The following PLEKHG3 variants were observed in gnomAD, a reference collection of about 807,000 sequenced individuals.
The protein encoded by PLEKHG3 is pleckstrin homology and RhoGEF domain containing G3.
In PLEKHG3, 62 loss-of-function variants were observed where a neutral mutation model predicts 94.9. The ratio of observed to expected loss-of-function variants is 0.65; its 90% confidence interval spans 0.53 to 0.81. The LOEUF is 0.81. Among genes scored for constraint, PLEKHG3 ranks in the 30% least tolerant of loss-of-function variants. The probability of loss-of-function intolerance (pLI) is 0.00; values close to 1 mark genes in which losing one functional copy is unlikely to be tolerated. For missense variants in PLEKHG3, 1,461 were observed against 1,619.3 expected, an observed-to-expected ratio of 0.90 and a Z score of 1.68; for synonymous variants, 614 against 654.0, an observed-to-expected ratio of 0.94 and a Z score of 0.93.
In PLEKHG3 at chr14:64,728,014, C is replaced by T. The variant is rs545219624; in HGVS notation, c.351+32C>T. On this transcript the variant is annotated intron_variant, in intron 2 of 16. Transcript: ENST00000247226. The surrounding 1 kb of genome is among the most constrained non-coding windows in gnomAD (Gnocchi z 5.9). ...GTCGGAGGCCTTGCGGCACAGTATT[C>T]TAGCAGAAGCCTGTTTCACCCTGGG... The T allele has an allele frequency of 7.5e-7, 1 of 1,333,116 alleles. No individual in the cohort carries two copies. The highest frequency in any genetic ancestry group is 1.4e-5 in the South Asian group (1 of 71,588). 82.6% of individuals were successfully genotyped at this position (1,333,116 alleles called of 1,614,324 possible).
chr14:64,707,290 C>G (rs1209830288), intron 1 of PLEKHG3, among the ~76,000 whole-genome samples: 1 of 152,244 alleles, frequency 6.6e-6, no homozygotes, highest in Non-Finnish European at 1.5e-5. Context: ...CCCCACAACT[C>G]ACCTCTGGCC....
At chr14:64,707,764 CAG>C (rs1566688443) in intron 1 of PLEKHG3, among the ~76,000 whole-genome samples, 1 of 152,226 alleles carries the variant, frequency 6.6e-6, no homozygotes, top group African/African-American at 2.4e-5. Context: ...CATCGAGGAA[CAG>C]AGTTTGGAGT....
chr14:64,711,430 T>C (rs1023364451), intron 1 of PLEKHG3, among the ~76,000 whole-genome samples: 2 of 151,320 alleles, frequency 1.3e-5, no homozygotes, highest in Non-Finnish European at 2.9e-5. Flanking sequence ...TTTTTTTTTT[T>C]TGAGACGGAG....
rs1426427741 is a variant in PLEKHG3, at chr14:64,727,812, A to C, written c.181A>C (p.Ser61Arg). ...GSLRSRHLPN[S>R]NNNSSSWLNV... ...CCTGAGAAGCCGGCATCTGCCCAAC[A>C]GCAACAACAACTCCAGCAGCTGGTT... Residue 61 changes from serine (S) to arginine (R), a missense_variant, in exon 2 of 17, where the codon AGC becomes CGC. Coordinates refer to ENST00000247226, the MANE Select transcript of PLEKHG3 (RefSeq NM_001308147.2). The surrounding 1 kb of genome is among the most constrained non-coding windows in gnomAD (Gnocchi z 6.0). The C allele has an allele frequency of 1.2e-6, 2 of 1,612,292 alleles. No individual in the cohort carries two copies. Among genetic ancestry groups the C allele is most frequent in the South Asian group, 2.2e-5 (2 of 91,036 alleles).
At position 64,746,441 on chromosome 14, in the gene PLEKHG3, GCCT is replaced by G. The variant is rs1199530495; in HGVS notation, c.*2743_*2745del. ...AGGGTTGCATTCCTCTGCAGCCGCC[GCCT>G]CCTCATTTCCTCCCTGAGCTTGTTT... On this transcript the variant is annotated 3_prime_UTR_variant, in exon 17 of 17. Transcript: ENST00000247226. This position sits in a 1 kb window ranked among gnomAD's most constrained non-coding sequence, Gnocchi z 4.9. The G allele has an allele frequency of 1.3e-5, 2 of 152,750 alleles. No individual in the cohort carries two copies. The highest frequency in any genetic ancestry group is 4.8e-5 in the African/African-American group (2 of 41,460). The allele number at this position is 152,750 out of a possible 1,614,324, so 9.5% of individuals were successfully genotyped here. A position where few individuals can be genotyped will look rare whatever the true frequency, so the allele number is the denominator to read the frequency against.
chr14:64,743,476 A>G lies in PLEKHG3; in HGVS notation c.3433A>G (p.Ile1145Val), dbSNP rs1357431762. The change falls in exon 17 of 17, where the codon ATT becomes GTT. Residue 1145 changes from isoleucine (I) to valine (V), a missense_variant. By Grantham distance (29) the Ile-to-Val change is conservative. Around this residue, in one of 3 missense-constraint regions of PLEKHG3, gnomAD observed 1,201 missense variants for 1,295.5 expected, o/e 0.93. Coordinates refer to ENST00000247226, the MANE Select transcript of PLEKHG3 (RefSeq NM_001308147.2). This position sits in a 1 kb window ranked among gnomAD's most constrained non-coding sequence, Gnocchi z 7.2. ...CACCCTGGAGGACAACCGGCGGGTG[A>G]TTGTCATGGAGAAGGGACCCCTTCC... ...DLTLEDNRRV[I>V]VMEKGPLPSP... 6.2e-7 allele frequency: 1 copy of G among 1,612,978 alleles called. No individual in the cohort carries two copies. Among genetic ancestry groups the G allele is most frequent in the African/African-American group, 1.3e-5 (1 of 74,906 alleles).
chr14:64,717,348 A>G lies in PLEKHG3; in HGVS notation c.-39-10245A>G, dbSNP rs2081186684. Among the ~76,000 whole-genome samples the G allele has an allele frequency of 6.6e-6, 1 of 152,168 alleles. No homozygotes were observed. The highest frequency in any genetic ancestry group is 2.4e-5 in the African/African-American group (1 of 41,424). ...CATAACTTTCTGGGTTTGGATGCTC[A>G]TGCTTGGAATTGGGAAGGGAGTTGT... On this transcript the variant is annotated intron_variant, in intron 1 of 16. Coordinates refer to ENST00000247226, the MANE Select transcript of PLEKHG3 (RefSeq NM_001308147.2). This position sits in a 1 kb window ranked among gnomAD's most constrained non-coding sequence, Gnocchi z 4.7.
rs2081640460 is a variant in PLEKHG3 at position 64,739,424 on chromosome 14, C to T, written c.1518+569C>T. Among the ~76,000 whole-genome samples, 1 of 152,204 alleles carries T rather than the reference C, an allele frequency of 6.6e-6. No homozygotes were observed. Among genetic ancestry groups the T allele is most frequent in the Non-Finnish European group, 1.5e-5 (1 of 68,036 alleles). ...GGACTCAGAGGCCCACTCTCCTCCT[C>T]CTGCTGCCCTATGCTGTCTGTGGGT... On this transcript the variant is annotated intron_variant, in intron 15 of 16. Coordinates refer to ENST00000247226, the MANE Select transcript of PLEKHG3 (RefSeq NM_001308147.2). This position sits in a 1 kb window ranked among gnomAD's most constrained non-coding sequence, Gnocchi z 4.1.
In PLEKHG3 at chr14:64,731,419, T is replaced by A; in HGVS notation, c.908T>A (p.Leu303His). Residue 303 changes from leucine (L) to histidine (H), a missense_variant, in exon 8 of 17, where the codon CTT (leucine) becomes CAT (histidine). Leu to His is a moderately conservative substitution (Grantham distance 99). This residue lies in a region of PLEKHG3 where 1,201 missense variants were observed against 1,295.5 expected (regional missense o/e 0.93). Coordinates refer to ENST00000247226, the MANE Select transcript of PLEKHG3 (RefSeq NM_001308147.2). The surrounding 1 kb of genome is among the most constrained non-coding windows in gnomAD (Gnocchi z 6.1). ...KGPDLTTYGE[L>H]VLEGTFRVHR... The stretch of plus-strand genomic sequence containing the variant: ...CCCGACCTGACCACCTACGGGGAGC[T>A]TGTCCTGGAGGGCACATTCCGCGTG... 6.2e-7 allele frequency: 1 copy of A among 1,614,058 alleles called. No homozygotes were observed. The highest frequency in any genetic ancestry group is 8.5e-7 in the Non-Finnish European group (1 of 1,179,934).
rs900155382 is a variant in PLEKHG3, at chr14:64,720,678, A to G, written c.-39-6915A>G. ...GTTCAGAGGAGTATATTACTTCCCT[A>G]TTGCCACTGTAACAAATTCTGCAAT... On this transcript the variant is annotated intron_variant, in intron 1 of 16. Coordinates refer to ENST00000247226, the MANE Select transcript of PLEKHG3 (RefSeq NM_001308147.2). The surrounding 1 kb of genome is among the most constrained non-coding windows in gnomAD (Gnocchi z 4.1). Among the ~76,000 whole-genome samples, 1 of 152,228 alleles carries G rather than the reference A, an allele frequency of 6.6e-6. No individual in the cohort carries two copies. Among genetic ancestry groups the G allele is most frequent in the African/African-American group, 2.4e-5 (1 of 41,458 alleles).
rs2081200529 is a variant in PLEKHG3, at chr14:64,718,143, T to G, written c.-39-9450T>G. On this transcript the variant is annotated intron_variant, in intron 1 of 16. Coordinates refer to ENST00000247226, the MANE Select transcript of PLEKHG3 (RefSeq NM_001308147.2). This position sits in a 1 kb window ranked among gnomAD's most constrained non-coding sequence, Gnocchi z 5.0. ...AAGATGTCACCTTCTCCTAGAAAGCTTCCTGGTCCCCTAAGTAGCACTAGC... is the reference window on the plus strand; with the variant it reads ...AAGATGTCACCTTCTCCTAGAAAGCGTCCTGGTCCCCTAAGTAGCACTAGC... Among the ~76,000 whole-genome samples, 1 of 152,240 alleles carries G rather than the reference T, an allele frequency of 6.6e-6. No individual in the cohort carries two copies. The highest frequency in any genetic ancestry group is 1.5e-5 in the Non-Finnish European group (1 of 68,032).
rs749776751 is a variant in PLEKHG3 at position 64,741,730 on chromosome 14, G to A, written c.2213G>A (p.Arg738His). Residue 738 changes from arginine to histidine, a missense_variant, in exon 16 of 17, where the codon CGC (arginine) becomes CAC (histidine). Arg to His is a conservative substitution (Grantham distance 29). Transcript: ENST00000247226. ...EHHDAGFSVR[R>H]RESLSYIPKG... ...CATGATGCAGGCTTCAGCGTCCGTC[G>A]CCGGGAGAGCCTCTCCTACATCCCC... 13 of 1,612,964 alleles carry A rather than the reference G, an allele frequency of 8.1e-6. No homozygotes were observed. In the East Asian group the frequency reaches 1.1e-4, roughly 14 times the overall value.
chr14:64,742,267 A>G lies in PLEKHG3; in HGVS notation c.2750A>G (p.His917Arg). ...CAGCTCTCCCACGTAATGGACAGCC[A>G]CGTGAGCGAGCGCGTCAAGAACAAG... ...IVQLSHVMDSHVSERVKNKVY... is the reference protein window; with the variant it reads ...IVQLSHVMDSRVSERVKNKVY... The change falls in exon 16 of 17, where the codon CAC becomes CGC. Residue 917 changes from histidine to arginine, a missense_variant. This residue lies in a region of PLEKHG3 where 1,201 missense variants were observed against 1,295.5 expected (regional missense o/e 0.93). Transcript: ENST00000247226. 1 of 1,613,038 alleles carries G rather than the reference A, an allele frequency of 6.2e-7. No individual in the cohort carries two copies. The highest frequency in any genetic ancestry group is 2.2e-5 in the East Asian group (1 of 44,872).
chr14:64,741,327 G>C lies in PLEKHG3; in HGVS notation c.1810G>C (p.Val604Leu), dbSNP rs61730937. 1 of 1,613,624 alleles carries C rather than the reference G, an allele frequency of 6.2e-7. No homozygotes were observed. Among genetic ancestry groups the C allele is most frequent in the African/African-American group, 1.3e-5 (1 of 74,930 alleles). The change falls in exon 16 of 17, where the codon GTC (valine) becomes CTC (leucine). Residue 604 changes from valine to leucine, a missense_variant. Transcript: ENST00000247226. ...ACCCTCTGTGCTGGACCAGGCCAGC[G>C]TCATTGCGGAGCGATTTGTCAGCAG... The part of the protein sequence containing the change: ...LPPSVLDQAS[V>L]IAERFVSSFS...
In PLEKHG3 at chr14:64,731,309, C is replaced by T. The variant is rs1052600537; in HGVS notation, c.850-52C>T. On this transcript the variant is annotated intron_variant, in intron 7 of 16. Coordinates refer to ENST00000247226, the MANE Select transcript of PLEKHG3 (RefSeq NM_001308147.2). This position sits in a 1 kb window ranked among gnomAD's most constrained non-coding sequence, Gnocchi z 6.1. The stretch of plus-strand genomic sequence containing the variant: ...GCCTTTGTGGCAGGGTTTGCAGAGC[C>T]TCCTAAGGCCCCAGTGGCCTGACTC... 1 of 1,525,402 alleles carries T rather than the reference C, an allele frequency of 6.6e-7. No homozygotes were observed. The allele number at this position is 1,525,402 out of a possible 1,614,324, so 94.5% of individuals were successfully genotyped here.
At chr14:64,714,268 A>G (rs59843251) in intron 1 of PLEKHG3, among the ~76,000 whole-genome samples, 32 of 152,246 alleles carry the variant, frequency 2.1e-4, no homozygotes, top group African/African-American at 7.7e-4. Context: ...GGCATATGAG[A>G]CATGTGAGTG....
Position 64,741,565 on chromosome 14 carries a change from T to C in PLEKHG3, c.2048T>C (p.Val683Ala). The change falls in exon 16 of 17, where the codon GTC (valine) becomes GCC (alanine). Residue 683 changes from valine (V) to alanine (A), a missense_variant. Transcript: ENST00000247226. Reference sequence around the variant, plus strand: ...GTGGCCACAGAGGACAGCCCTTCTGTCAATGGGATGGAGCCCCCAAGCCCA... The same window carrying C: ...GTGGCCACAGAGGACAGCCCTTCTGCCAATGGGATGGAGCCCCCAAGCCCA... Reference protein sequence around the residue: ...VGVATEDSPSVNGMEPPSPGC... With the variant: ...VGVATEDSPSANGMEPPSPGC... 6 of 1,612,932 alleles carry C rather than the reference T, an allele frequency of 3.7e-6. No homozygotes were observed. The highest frequency in any genetic ancestry group is 4.2e-6 in the Non-Finnish European group (5 of 1,180,006).
Position 64,726,348 on chromosome 14 carries a change from C to A in PLEKHG3, c.-39-1245C>A, listed in dbSNP as rs1009501001. ...GTCTGGGGTCTAGTCACTTCTGAGCCCTAGAGCTAGGGGTAGAAGACTCGG... is the reference window on the plus strand; with the variant it reads ...GTCTGGGGTCTAGTCACTTCTGAGCACTAGAGCTAGGGGTAGAAGACTCGG... On this transcript the variant is annotated intron_variant, in intron 1 of 16. Transcript: ENST00000247226. The surrounding 1 kb of genome is among the most constrained non-coding windows in gnomAD (Gnocchi z 5.1). 2.4e-4 allele frequency among the ~76,000 whole-genome samples: 36 copies of A among 152,096 alleles called. No homozygotes were observed. Among genetic ancestry groups the A allele is most frequent in the African/African-American group, 8.2e-4 (34 of 41,390 alleles).
At chr14:64,724,333 C>T (rs1209193411) in intron 1 of PLEKHG3, among the ~76,000 whole-genome samples, 2 of 152,070 alleles carry the variant, frequency 1.3e-5, no homozygotes, top group African/African-American at 4.8e-5. Context: ...TACTCAGTGC[C>T]TCATTTGTTC....
Sources: gnomAD v4.1 joint callset for allele counts (sites outside exome capture counted in the v4.1 genomes callset) on GRCh38, gnomAD v4.1.1 for gene constraint, gnomAD v4.1.1 regional missense constraint, Gnocchi (gnomAD v3.1) non-coding constraint, MANE v1.5 for transcripts, NCBI Gene and HGNC (gene_info 2026-07-23, HGNC 2026-07-21) for gene names.